PHLPP2: variants seen among roughly 807,000 people sequenced by gnomAD.
PHLPP2 encodes the protein PH domain leucine-rich repeat-containing protein phosphatase 2.
PHLPP2 carries 66 observed loss-of-function variants against 124.9 expected under a neutral mutation model. The ratio of observed to expected loss-of-function variants is 0.53; its 90% confidence interval spans 0.43 to 0.65. PHLPP2 has a LOEUF of 0.65. PHLPP2 is among the 30% of genes least tolerant of loss of function. The pLI, the probability that PHLPP2 is intolerant of heterozygous loss-of-function variation, is 0.00. For synonymous variants in PHLPP2, 681 were observed against 624.7 expected (o/e 1.09, Z -1.34); for missense variants, 1,685 against 1,600.4 (o/e 1.05, Z -0.90).
chr16:71,663,389 G>A (rs1164341680), intron 13 of PHLPP2, among the ~76,000 whole-genome samples: 2 of 152,214 alleles, frequency 1.3e-5, no homozygotes, highest in African/African-American at 4.8e-5. Context: ...GGGATTACAG[G>A]CGTGAGCCAC....
rs1329714308 is a variant in PHLPP2 at position 71,669,357 on chromosome 16, A to T, written c.1546T>A (p.Cys516Ser). 2 of 1,610,100 alleles carry T rather than the reference A, an allele frequency of 1.2e-6. No individual in the cohort carries two copies. The highest frequency in any genetic ancestry group is 1.7e-6 in the Non-Finnish European group (2 of 1,178,166). Reference protein sequence around the residue: ...FLDLSRNLLECVPDWACEAKK... With the variant: ...FLDLSRNLLESVPDWACEAKK... ...GCTTCACAGGCCCAGTCAGGGACAC[A>T]CTCTAGCAGGTTTCTGCAGAAAATA... The change falls in exon 11 of 19, where the codon TGT becomes AGT. Residue 516 changes from cysteine to serine, a missense_variant. Physicochemically the swap from Cys to Ser is moderately radical, Grantham distance 112. Coordinates refer to ENST00000568954, the MANE Select transcript of PHLPP2 (RefSeq NM_015020.3).
At chr16:71,655,505 T>A in intron 16 of PHLPP2, 71 bp from the exon 17 acceptor site, 4 of 524,314 alleles carry the variant, frequency 7.6e-6, no homozygotes, top group Non-Finnish European at 8.2e-6. Context: ...GGAGCATTCT[T>A]TTTTTTTTTT....
At chr16:71,657,456 G>A (rs1410759140) in intron 15 of PHLPP2, among the ~76,000 whole-genome samples, 1 of 150,626 alleles carries the variant, frequency 6.6e-6, no homozygotes, top group African/African-American at 2.4e-5. Flanking sequence ...GTGCAGTGGC[G>A]TGATCTCTGC....
At chr16:71,709,917 T>C (rs1360599897) in intron 2 of PHLPP2, among the ~76,000 whole-genome samples, 1 of 152,174 alleles carries the variant, frequency 6.6e-6, no homozygotes, top group Non-Finnish European at 1.5e-5. Context: ...CACTGCAACC[T>C]CCGCCTCCCA....
At chr16:71,674,122 A>G (rs1457125375) in intron 9 of PHLPP2, among the ~76,000 whole-genome samples, 1 of 150,912 alleles carries the variant, frequency 6.6e-6, no homozygotes, top group Non-Finnish European at 1.5e-5. Flanking sequence ...TTGTTGCCCA[A>G]GCTGGAGTGT....
chr16:71,721,986 T>G (rs2045401235), intron 1 of PHLPP2, among the ~76,000 whole-genome samples: 1 of 152,166 alleles, frequency 6.6e-6, no homozygotes, highest in Admixed American at 6.5e-5. Context: ...GATTTGGTAT[T>G]AGGTATAAAA....
At chr16:71,658,427 T>G in intron 14 of PHLPP2, 64 bp from the exon 15 acceptor site, 1 of 1,454,682 alleles carries the variant, frequency 6.9e-7, no homozygotes, top group Non-Finnish European at 9.4e-7. Context: ...TACTCCCAAG[T>G]GTCCAATCTC....
chr16:71,656,150 T>G (rs539017009), intron 16 of PHLPP2, among the ~76,000 whole-genome samples: 175 of 152,302 alleles, frequency 1.1e-3, no homozygotes, highest in African/African-American at 4.0e-3. Context: ...TAAGTCTTGC[T>G]GAAAAGAACC....
chr16:71,669,703 T>G (rs113068892), intron 10 of PHLPP2, among the ~76,000 whole-genome samples: 181 of 152,328 alleles, frequency 1.2e-3, no homozygotes, highest in African/African-American at 4.1e-3. Flanking sequence ...TTAACAAACC[T>G]TCAAAGATGA....
chr16:71,679,408 G>T lies in PHLPP2; in HGVS notation c.1018C>A (p.Gln340Lys), dbSNP rs374114272. Residue 340 changes from glutamine to lysine, a missense_variant, in exon 7 of 19, where the codon CAA (glutamine) becomes AAA (lysine). Coordinates refer to ENST00000568954, the MANE Select transcript of PHLPP2 (RefSeq NM_015020.3). ...SCNGFHDLPSQIGNLLNLQTL... is the reference protein window; with the variant it reads ...SCNGFHDLPSKIGNLLNLQTL... ...ACTTACTTTAGCAGATTGCCAATTT[G>T]ACTTGGTAGGTCATGAAATCCATTA... The T allele has an allele frequency of 1.2e-6, 2 of 1,613,892 alleles. No individual in the cohort carries two copies. Among genetic ancestry groups the T allele is most frequent in the East Asian group, 2.2e-5 (1 of 44,862 alleles).
intron 4 of PHLPP2, among the ~76,000 whole-genome samples, chr16:71,688,161 A>G (rs1300291734): frequency 6.6e-6 from 1 of 152,220 alleles, no homozygotes; most frequent in African/African-American, 2.4e-5. Context: ...GCTCTTTAAA[A>G]GTCTATCCCA....
At chr16:71,691,713 G>C (rs867370433) in intron 3 of PHLPP2, among the ~76,000 whole-genome samples, 1 of 151,948 alleles carries the variant, frequency 6.6e-6, no homozygotes, top group Non-Finnish European at 1.5e-5. Flanking sequence ...TTCCGATCAC[G>C]GTGGTGGAAA....
chr16:71,695,103 A>G (rs964719576), intron 3 of PHLPP2, among the ~76,000 whole-genome samples: 1 of 152,046 alleles, frequency 6.6e-6, no homozygotes, highest in Admixed American at 6.6e-5. Flanking sequence ...CATTTTATCT[A>G]TCAGATTAGT....
rs761254169 is a variant in PHLPP2 at position 71,656,561 on chromosome 16, A to G, written c.2390+10T>C. ...TTTTCTTTCTCAGTCTCCATGGCCA[A>G]TATACTCACTTATTTCTCTGCCCTG... On this transcript the variant is annotated intron_variant, in intron 16 of 18. Transcript: ENST00000568954. 1 of 1,535,894 alleles carries G rather than the reference A, an allele frequency of 6.5e-7. No homozygotes were observed. The highest frequency in any genetic ancestry group is 1.4e-5 in the African/African-American group (1 of 73,448).
At chr16:71,657,046 G>A (rs1013895409) in intron 15 of PHLPP2, among the ~76,000 whole-genome samples, 5 of 151,548 alleles carry the variant, frequency 3.3e-5, no homozygotes, top group African/African-American at 9.7e-5. Context: ...GAGTTCAAAC[G>A]ATTCTCCTGC....
chr16:71,679,496 T>C lies in PHLPP2; in HGVS notation c.930A>G (p.Lys310=). ...QLKGLNLSHN[K]LGLFPILLCE... is the part of the protein sequence containing the mutation. ...ATAACAATATAGGAAACAACCCAAG[T>C]TTATTATGGGACAAGTTCAGGCCCT... The change falls in exon 7 of 19, where the codon AAA becomes AAG. Residue 310 remains lysine (K), a synonymous_variant. Coordinates refer to ENST00000568954, the MANE Select transcript of PHLPP2 (RefSeq NM_015020.3). 2 of 1,613,904 alleles carry C rather than the reference T, an allele frequency of 1.2e-6. No homozygotes were observed. Among genetic ancestry groups the C allele is most frequent in the South Asian group, 2.2e-5 (2 of 91,072 alleles).
At chr16:71,665,259 G>A (rs774687974) in intron 12 of PHLPP2, among the ~76,000 whole-genome samples, 2 of 152,124 alleles carry the variant, frequency 1.3e-5, no homozygotes, top group Admixed American at 6.6e-5. Context: ...GCAGTGAGCT[G>A]AGATCGTGCC....
At chr16:71,712,936 T>A (rs2045333271) in intron 2 of PHLPP2, among the ~76,000 whole-genome samples, 1 of 152,218 alleles carries the variant, frequency 6.6e-6, no homozygotes, top group African/African-American at 2.4e-5. Context: ...AAAATCATGG[T>A]CAGGCATTTA....
intron 2 of PHLPP2, among the ~76,000 whole-genome samples, chr16:71,707,924 G>A (rs1279473011): frequency 6.6e-6 from 1 of 152,210 alleles, no homozygotes. Flanking sequence ...GTCAGTGTCA[G>A]ATCTGTATTA....
Sources: allele counts gnomAD v4.1 joint callset (sites outside exome capture counted in the v4.1 genomes callset), GRCh38; gene constraint gnomAD v4.1.1; transcripts MANE v1.5; gene names NCBI Gene and HGNC (gene_info 2026-07-23, HGNC 2026-07-21).